Variants in RCN3 observed in about 807,000 individuals in gnomAD.
RCN3 encodes reticulocalbin 3.
RCN3 carries 41 observed loss-of-function variants against 35.9 expected under a neutral mutation model. The observed-to-expected ratio is 1.14, with a 90% CI of 0.89 to 1.48. The LOEUF is 1.48. Among genes scored for constraint, RCN3 ranks in the 40% most tolerant of loss-of-function variants. The pLI is 0.00. For synonymous variants in RCN3, 187 were observed against 193.4 expected (o/e 0.97, Z 0.27); for missense variants, 451 against 471.3 (o/e 0.96, Z 0.40).
rs2080173069 is a variant in RCN3, at chr19:49,543,335, G to T, written c.*122G>T. 2.5e-6 allele frequency: 2 copies of T among 794,846 alleles called. No homozygotes were observed. The highest frequency in any genetic ancestry group is 3.1e-5 in the South Asian group (2 of 64,162). 49.2% of individuals were successfully genotyped at this position (794,846 alleles called of 1,614,324 possible). A position where few individuals can be genotyped will look rare whatever the true frequency, so the allele number is the denominator to read the frequency against. On this transcript the variant is annotated 3_prime_UTR_variant, in exon 7 of 7. Transcript: ENST00000270645. ...CAGATGCAGTCCCAGGCATCCTCCT[G>T]CCCCTGGGCTCTCAGGGACCCCCTG... is the stretch of plus-strand genomic sequence containing the variant.
intron 3 of RCN3, 98 bp from the exon 4 acceptor site, chr19:49,536,935 A>T: frequency 1.7e-6 from 2 of 1,180,388 alleles, no homozygotes; most frequent in Non-Finnish European, 2.3e-6. Context: ...ACTCCACAGA[A>T]ATCTTTGTAC....
chr19:49,537,401 C>T (rs1182932353), intron 4 of RCN3, among the ~76,000 whole-genome samples, 196 bp downstream of exon 4: 4 of 152,198 alleles, frequency 2.6e-5, no homozygotes, highest in Admixed American at 2.0e-4. Flanking sequence ...CCCCTGGGGT[C>T]TGATCTCTCC....
At chr19:49,533,799 C>T (rs2080120482) in intron 2 of RCN3, among the ~76,000 whole-genome samples, 2 of 152,082 alleles carry the variant, frequency 1.3e-5, no homozygotes, top group Non-Finnish European at 2.9e-5. Context: ...TGCAACAGGG[C>T]CCCCTTGGCA....
intron 2 of RCN3, among the ~76,000 whole-genome samples, chr19:49,529,067 G>A (rs1456213408): frequency 6.6e-6 from 1 of 152,098 alleles, no homozygotes; most frequent in Non-Finnish European, 1.5e-5. Flanking sequence ...TGTAATCCCA[G>A]CTACTCGGGA....
chr19:49,533,705 G>T (rs893545876), intron 2 of RCN3, among the ~76,000 whole-genome samples: 1 of 152,024 alleles, frequency 6.6e-6, no homozygotes, highest in Admixed American at 6.6e-5. Flanking sequence ...GCCTGGTAAG[G>T]GGGAGGGGCA....
In RCN3 at chr19:49,534,060, C is replaced by A. The variant is rs1476977486; in HGVS notation, c.243-133C>A. On this transcript the variant is annotated intron_variant, in intron 2 of 6. Transcript: ENST00000270645. ...GGTCCCGAAATTGACCCGCGCCCCT[C>A]CCCAGTTAGCCCGCGGACCGTGGAC... The A allele has an allele frequency of 3.2e-6, 3 of 930,930 alleles. No homozygotes were observed. The East Asian group carries it at 9.7e-5, about 30-fold the overall frequency. 57.7% of individuals were successfully genotyped at this position (930,930 alleles called of 1,614,324 possible). A position where few individuals can be genotyped will look rare whatever the true frequency, so the allele number is the denominator to read the frequency against.
Position 49,534,180 on chromosome 19 carries a change from C to T in RCN3, c.243-13C>T, listed in dbSNP as rs1349804211. ...GGGACCAGAGCCTGACGTGTGCCCG[C>T]CCCGGCTTCTAGGCGGATCGTGGAC... On this transcript the variant is annotated splice_polypyrimidine_tract_variant and intron_variant, in intron 2 of 6. Transcript: ENST00000270645. 6 of 1,480,540 alleles carry T rather than the reference C, an allele frequency of 4.1e-6. No homozygotes were observed. Among genetic ancestry groups the T allele is most frequent in the South Asian group, 1.3e-5 (1 of 76,818 alleles). 91.7% of individuals were successfully genotyped at this position (1,480,540 alleles called of 1,614,324 possible).
chr19:49,534,102 G>C, intron 2 of RCN3, 91 bp from the exon 3 acceptor site: 1 of 1,249,596 alleles, frequency 8.0e-7, no homozygotes. Flanking sequence ...TTCAGCCCCG[G>C]ATCCGAAGTG....
intron 2 of RCN3, among the ~76,000 whole-genome samples, chr19:49,531,608 G>C: frequency 6.6e-6 from 1 of 152,134 alleles, no homozygotes; most frequent in East Asian, 1.9e-4. Flanking sequence ...AGTCCAGGTG[G>C]AAGACAAGAC....
chr19:49,539,879 C>T lies in RCN3; in HGVS notation c.679+700C>T, dbSNP rs186388469. Reference sequence around the variant, plus strand: ...CTGGGATTACTGGTGCCTGCCACCACGCCTGGCTAATTTTTGTATTTTTAG... The same window carrying T: ...CTGGGATTACTGGTGCCTGCCACCATGCCTGGCTAATTTTTGTATTTTTAG... On this transcript the variant is annotated intron_variant, in intron 5 of 6. Coordinates refer to ENST00000270645, the MANE Select transcript of RCN3 (RefSeq NM_020650.3). Among the ~76,000 whole-genome samples, 10 of 152,050 alleles carry T rather than the reference C, an allele frequency of 6.6e-5. No homozygotes were observed. In the South Asian group the frequency reaches 1.2e-3, roughly 19 times the overall value.
Position 49,543,217 on chromosome 19 carries a change from C to G in RCN3, c.*4C>G. 1 of 1,601,432 alleles carries G rather than the reference C, an allele frequency of 6.2e-7. No individual in the cohort carries two copies. The highest frequency in any genetic ancestry group is 8.5e-7 in the Non-Finnish European group (1 of 1,172,700). On this transcript the variant is annotated 3_prime_UTR_variant, in exon 7 of 7. Transcript: ENST00000270645. ...CCGGCACCACGATGAGCTGTGAGCA[C>G]CGCGCACCTGCCACAGCCTCAGAGG...
intron 3 of RCN3, 93 bp from the exon 4 acceptor site, chr19:49,536,940 T>A: frequency 8.2e-7 from 1 of 1,215,884 alleles, no homozygotes; most frequent in African/African-American, 1.6e-5. Context: ...ACAGAAATCT[T>A]TGTACCCCAG....
At chr19:49,528,353 C>A (rs2122709962) in intron 1 of RCN3, 114 bp from the exon 2 acceptor site, 1 of 1,062,486 alleles carries the variant, frequency 9.4e-7, no homozygotes, top group Non-Finnish European at 1.3e-6. Context: ...AAGCTTGCAG[C>A]CAACTTCCAA....
rs2080172795 is a variant in RCN3 at position 49,543,274 on chromosome 19, G to A, written c.*61G>A. The A allele has an allele frequency of 3.7e-6, 5 of 1,352,672 alleles. No homozygotes were observed. Among genetic ancestry groups the A allele is most frequent in the African/African-American group, 1.4e-5 (1 of 69,088 alleles). The allele number at this position is 1,352,672 out of a possible 1,614,324, so 83.8% of individuals were successfully genotyped here. On this transcript the variant is annotated 3_prime_UTR_variant, in exon 7 of 7. Transcript: ENST00000270645. ...CAATGACCGGAGGAGGGGCCGCTGT[G>A]GTCTGGCCCCCTCCCTGTCCAGGCC...
At chr19:49,535,062 G>A (rs111794900) in intron 3 of RCN3, among the ~76,000 whole-genome samples, 5 of 151,996 alleles carry the variant, frequency 3.3e-5, no homozygotes, top group Admixed American at 2.0e-4. Context: ...CTCCGGGGGC[G>A]GGGTTCTTCA....
Position 49,543,266 on chromosome 19 carries a change from G to A in RCN3, c.*53G>A. 2.8e-6 allele frequency: 4 copies of A among 1,446,976 alleles called. No homozygotes were observed. Among genetic ancestry groups the A allele is most frequent in the East Asian group, 2.3e-5 (1 of 42,670 alleles). 89.6% of individuals were successfully genotyped at this position (1,446,976 alleles called of 1,614,324 possible). Reference sequence around the variant, plus strand: ...GGCCCGCACAATGACCGGAGGAGGGGCCGCTGTGGTCTGGCCCCCTCCCTG... The same window carrying A: ...GGCCCGCACAATGACCGGAGGAGGGACCGCTGTGGTCTGGCCCCCTCCCTG... On this transcript the variant is annotated 3_prime_UTR_variant, in exon 7 of 7. Coordinates refer to ENST00000270645, the MANE Select transcript of RCN3 (RefSeq NM_020650.3).
chr19:49,543,036 G>A lies in RCN3; in HGVS notation c.880-70G>A, dbSNP rs1296524526. The A allele has an allele frequency of 1.1e-5, 14 of 1,292,564 alleles. No homozygotes were observed. The East Asian group carries it at 1.4e-4, about 13-fold the overall frequency. The allele number at this position is 1,292,564 out of a possible 1,614,324, so 80.1% of individuals were successfully genotyped here. A position where few individuals can be genotyped will look rare whatever the true frequency, so the allele number is the denominator to read the frequency against. ...AAGGGTCCCAGAGACTTCGGGACAC[G>A]CTTGGATGCAGGGAGGGCTTTTGAA... On this transcript the variant is annotated intron_variant, in intron 6 of 6. Coordinates refer to ENST00000270645, the MANE Select transcript of RCN3 (RefSeq NM_020650.3).
At chr19:49,531,863 T>C (rs187880797) in intron 2 of RCN3, among the ~76,000 whole-genome samples, 186 of 151,418 alleles carry the variant, frequency 1.2e-3, no homozygotes, top group African/African-American at 4.0e-3. Context: ...TGCAGTGGCG[T>C]GATCTCGGCT....
intron 2 of RCN3, among the ~76,000 whole-genome samples, chr19:49,533,230 C>G (rs2080117489): frequency 6.6e-6 from 1 of 152,156 alleles, no homozygotes; most frequent in Non-Finnish European, 1.5e-5. Context: ...AGAGTGGGGC[C>G]CTAGACAGAC....
Sources: gnomAD v4.1 joint callset for allele counts (sites outside exome capture counted in the v4.1 genomes callset) on GRCh38, gnomAD v4.1.1 for gene constraint, MANE v1.5 for transcripts, NCBI Gene and HGNC (gene_info 2026-07-23, HGNC 2026-07-21) for gene names.